The following FAM187B variants were observed in gnomAD, a reference collection of about 807,000 sequenced individuals.
FAM187B encodes the protein protein FAM187B.
FAM187B carries 22 observed loss-of-function variants against 22.6 expected under a neutral mutation model. The observed-to-expected ratio is 0.97, with a 90% CI of 0.70 to 1.39. The LOEUF (loss-of-function observed/expected upper bound fraction) is 1.39, where lower values mean the gene tolerates loss of function less well. FAM187B is among the 40% of genes most tolerant of loss of function. The pLI, the probability that FAM187B is intolerant of heterozygous loss-of-function variation, is 0.00. For synonymous variants in FAM187B, 192 were observed against 201.8 expected, an observed-to-expected ratio of 0.95 and a Z score of 0.41; for missense variants, 433 against 462.1, an observed-to-expected ratio of 0.94 and a Z score of 0.58.
chr19:35,228,191 C>T lies in FAM187B; in HGVS notation c.490G>A (p.Gly164Arg). ...AGAGGCTCCTCAATGTAGCGGTACC[C>T]CAGGCGTTTACACTCGCCCGGCTCC... Reference protein sequence around the residue: ...CEEPGECKRLGYRYIEEPLEE... With the variant: ...CEEPGECKRLRYRYIEEPLEE... Residue 164 changes from glycine (G) to arginine (R), a missense_variant, in exon 1 of 2, where the codon GGG (glycine) becomes AGG (arginine). Gly to Arg is a moderately radical substitution (Grantham distance 125, BLOSUM62 -2). Coordinates refer to ENST00000324675, the MANE Select transcript of FAM187B (RefSeq NM_152481.2). 2 of 1,614,162 alleles carry T rather than the reference C, an allele frequency of 1.2e-6. No homozygotes were observed. Among genetic ancestry groups the T allele is most frequent in the East Asian group, 2.2e-5 (1 of 44,880 alleles).
chr19:35,225,345 C>T (rs1364274194), intron 1 of FAM187B, 133 bp from the exon 2 acceptor site: 6 of 1,161,722 alleles, frequency 5.2e-6, no homozygotes, highest in Non-Finnish European at 6.9e-6. Flanking sequence ...CAGCCGTCAA[C>T]AGTGGGGTGG....
At position 35,228,321 on chromosome 19, in the gene FAM187B, G is replaced by GTGTCCT; in HGVS notation, c.359_360insAGGACA (p.Thr119_His120insGlnGly). Reference sequence around the variant, plus strand: ...GCAGGGGCCTCTGACCCAGGTCCTTGTGTGTTATATGCAGGGTGGTGACAT... The same window carrying GTGTCCT: ...GCAGGGGCCTCTGACCCAGGTCCTTGTGTCCTTGTGTTATATGCAGGGTGGTGACAT... On this transcript the variant is annotated inframe_insertion, in exon 1 of 2. Transcript: ENST00000324675. The GTGTCCT allele has an allele frequency of 6.2e-7, 1 of 1,614,134 alleles. No homozygotes were observed. Among genetic ancestry groups the GTGTCCT allele is most frequent in the Non-Finnish European group, 8.5e-7 (1 of 1,180,044 alleles).
In FAM187B at chr19:35,228,077, G is replaced by C. The variant is rs779215933; in HGVS notation, c.604C>G (p.His202Asp). 3.7e-6 allele frequency: 6 copies of C among 1,614,102 alleles called. No homozygotes were observed. The highest frequency in any genetic ancestry group is 5.1e-6 in the Non-Finnish European group (6 of 1,180,048). ...TGTGTGTTATTGGTGCACTGGACGT[G>C]GCAGGCTTCCACCTGCAGCTCAGGC... ...LRPELQVEAC[H>D]VQCTNNTQLR... The change falls in exon 1 of 2, where the codon CAC (histidine) becomes GAC (aspartate). Residue 202 changes from histidine to aspartate, a missense_variant. By Grantham distance (81) the His-to-Asp change is moderately conservative. Transcript: ENST00000324675.
At position 35,225,103 on chromosome 19, in the gene FAM187B, C is replaced by T. The variant is rs2065657593; in HGVS notation, c.832G>A (p.Val278Ile). The change falls in exon 2 of 2, where the codon GTT (valine) becomes ATT (isoleucine). Residue 278 changes from valine (V) to isoleucine (I), a missense_variant. Transcript: ENST00000324675. Reference protein sequence around the residue: ...DPSTGGRQLQVFQPAVYKCFV... With the variant: ...DPSTGGRQLQIFQPAVYKCFV... ...CACTTGTAGACGGCCGGCTGGAAAA[C>T]CTGCAGCTGCCTGCCGCCGGTGGAG... 1.9e-6 allele frequency: 3 copies of T among 1,608,014 alleles called. No individual in the cohort carries two copies. The African/African-American group carries it at 4.0e-5, about 21-fold the overall frequency.
intron 1 of FAM187B, among the ~76,000 whole-genome samples, chr19:35,226,475 CAATAATAATAAT>C (rs1315046696): frequency 6.6e-6 from 1 of 151,992 alleles, no homozygotes; most frequent in African/African-American, 2.4e-5. Context: ...ATAATAATAA[CAATAATAATAAT>C]AAAACTATAT....
At chr19:35,227,200 TG>T (rs2145467944) in intron 1 of FAM187B, among the ~76,000 whole-genome samples, 2 of 152,054 alleles carry the variant, frequency 1.3e-5, no homozygotes, top group South Asian at 4.2e-4. Flanking sequence ...GGTGAGACAA[TG>T]GATTTCTGGG....
chr19:35,224,822 G>T lies in FAM187B; in HGVS notation c.*3C>A. On this transcript the variant is annotated 3_prime_UTR_variant, in exon 2 of 2. Transcript: ENST00000324675. ...GGGTCCGCTTGTGCACCGGGGGCTCGCTTTATTTCACCACCAGCACCTGTG... is the reference window on the plus strand; with the variant it reads ...GGGTCCGCTTGTGCACCGGGGGCTCTCTTTATTTCACCACCAGCACCTGTG... 6.2e-7 allele frequency: 1 copy of T among 1,600,668 alleles called. No individual in the cohort carries two copies. Among genetic ancestry groups the T allele is most frequent in the Non-Finnish European group, 8.5e-7 (1 of 1,172,122 alleles).
rs960026326 is a variant in FAM187B, at chr19:35,228,498, G to T, written c.183C>A (p.Gly61=). The T allele has an allele frequency of 3.7e-6, 6 of 1,614,224 alleles. No individual in the cohort carries two copies. The highest frequency in any genetic ancestry group is 4.2e-6 in the Non-Finnish European group (5 of 1,180,046). The part of the protein sequence containing the change: ...WYYLFTQGKK[G]RLTSLTNISN... ...AAATATTGGTGAGGCTGGTGAGCCT[G>T]CCCTTCTTGCCTTGTGTGAATAAAT... Residue 61 remains glycine (G), a synonymous_variant, in exon 1 of 2, where the codon GGC becomes GGA. Transcript: ENST00000324675.
At chr19:35,227,806 C>T (rs965825457) in intron 1 of FAM187B, among the ~76,000 whole-genome samples, 153 bp downstream of exon 1, 6 of 152,212 alleles carry the variant, frequency 3.9e-5, no homozygotes, top group South Asian at 2.1e-4. Context: ...GTGTCCCCCT[C>T]GGACTGTTTA....
At chr19:35,225,316 C>T (rs924914629) in intron 1 of FAM187B, 104 bp from the exon 2 acceptor site, 2 of 1,337,946 alleles carry the variant, frequency 1.5e-6, no homozygotes, top group South Asian at 1.6e-5. Context: ...CTCCTCGCCA[C>T]CCCCCACGGA....
Position 35,225,785 on chromosome 19 carries a change from T to C in FAM187B, c.723-573A>G, listed in dbSNP as rs1374792100. Among the ~76,000 whole-genome samples the C allele has an allele frequency of 2.6e-5, 4 of 151,720 alleles. No homozygotes were observed. In the East Asian group the frequency reaches 7.8e-4, roughly 30 times the overall value. ...CCAGTCACAGCACTGCACTCCAGCCTGGGTGACAGAGCAAGACCCTGTCCC... is the reference window on the plus strand; with the variant it reads ...CCAGTCACAGCACTGCACTCCAGCCCGGGTGACAGAGCAAGACCCTGTCCC... On this transcript the variant is annotated intron_variant, in intron 1 of 1. Coordinates refer to ENST00000324675, the MANE Select transcript of FAM187B (RefSeq NM_152481.2).
Position 35,224,979 on chromosome 19 carries a change from G to A in FAM187B, c.956C>T (p.Ala319Val). The A allele has an allele frequency of 6.2e-7, 1 of 1,613,784 alleles. No homozygotes were observed. Among genetic ancestry groups the A allele is most frequent in the Non-Finnish European group, 8.5e-7 (1 of 1,179,974 alleles). ...CGCCCTGCCCCGCAGGGCCTTCCTT[G>A]CCTCCCGCCACTGGGCATCGTTCTC... ...WRENDAQWREARKALRGRADS... is the reference protein window; with the variant it reads ...WRENDAQWREVRKALRGRADS... Residue 319 changes from alanine to valine, a missense_variant, in exon 2 of 2, where the codon GCA becomes GTA. By Grantham distance (64) the Ala-to-Val change is moderately conservative. Transcript: ENST00000324675.
At chr19:35,226,559 C>T (rs556602173) in intron 1 of FAM187B, among the ~76,000 whole-genome samples, 16 of 152,338 alleles carry the variant, frequency 1.1e-4, no homozygotes, top group East Asian at 7.7e-4. Context: ...TCCCAGGTCC[C>T]TAGAATGGAG....
Position 35,228,082 on chromosome 19 carries a change from G to C in FAM187B, c.599C>G (p.Ala200Gly), listed in dbSNP as rs753118508. ...SRLRPELQVEACHVQCTNNTQ... is the reference protein window; with the variant it reads ...SRLRPELQVEGCHVQCTNNTQ... The stretch of plus-strand genomic sequence containing the variant: ...GTTATTGGTGCACTGGACGTGGCAG[G>C]CTTCCACCTGCAGCTCAGGCCGCAA... Residue 200 changes from alanine to glycine, a missense_variant, in exon 1 of 2, where the codon GCC (alanine) becomes GGC (glycine). Transcript: ENST00000324675. 6.2e-7 allele frequency: 1 copy of C among 1,614,126 alleles called. No individual in the cohort carries two copies. The highest frequency in any genetic ancestry group is 1.3e-5 in the African/African-American group (1 of 74,958).
chr19:35,227,081 T>G (rs1445151171), intron 1 of FAM187B, among the ~76,000 whole-genome samples: 1 of 152,154 alleles, frequency 6.6e-6, no homozygotes, highest in Non-Finnish European at 1.5e-5. Flanking sequence ...GATCTCTGAC[T>G]GCATCCAGAA....
chr19:35,227,895 T>C, intron 1 of FAM187B, 64 bp downstream of exon 1: 2 of 1,553,172 alleles, frequency 1.3e-6, no homozygotes, highest in South Asian at 2.5e-5. Context: ...TCTGCACATA[T>C]TACCAGGAAG....
In FAM187B at chr19:35,228,594, C is replaced by T; in HGVS notation, c.87G>A (p.Gln29=). The change falls in exon 1 of 2, where the codon CAG becomes CAA. Residue 29 remains glutamine (Q), a synonymous_variant. Transcript: ENST00000324675. ...YFSISCPSGK[Q]CQQALLSGND... is the part of the protein sequence containing the mutation. ...TGCCTGAGAGTAGGGCCTGTTGGCA[C>T]TGCTTACCACTGGGGCAGCTGATGG... 1 of 1,614,120 alleles carries T rather than the reference C, an allele frequency of 6.2e-7. No individual in the cohort carries two copies. Among genetic ancestry groups the T allele is most frequent in the Non-Finnish European group, 8.5e-7 (1 of 1,180,038 alleles).
Position 35,228,082 on chromosome 19 carries a change from G to A in FAM187B, c.599C>T (p.Ala200Val), listed in dbSNP as rs753118508. 2 of 1,614,244 alleles carry A rather than the reference G, an allele frequency of 1.2e-6. No individual in the cohort carries two copies. The highest frequency in any genetic ancestry group is 1.7e-6 in the Non-Finnish European group (2 of 1,180,048). Residue 200 changes from alanine to valine, a missense_variant, in exon 1 of 2, where the codon GCC becomes GTC. By Grantham distance (64) the Ala-to-Val change is moderately conservative. Transcript: ENST00000324675. Reference protein sequence around the residue: ...SRLRPELQVEACHVQCTNNTQ... With the variant: ...SRLRPELQVEVCHVQCTNNTQ... ...GTTATTGGTGCACTGGACGTGGCAGGCTTCCACCTGCAGCTCAGGCCGCAA... is the reference window on the plus strand; with the variant it reads ...GTTATTGGTGCACTGGACGTGGCAGACTTCCACCTGCAGCTCAGGCCGCAA...
intron 1 of FAM187B, among the ~76,000 whole-genome samples, chr19:35,227,189 G>A (rs1468033921): frequency 1.3e-5 from 2 of 152,114 alleles, no homozygotes; most frequent in Admixed American, 6.6e-5. Context: ...GCCTCCAGAA[G>A]GGTGAGACAA....
Sources: gnomAD v4.1 joint callset for allele counts (sites outside exome capture counted in the v4.1 genomes callset) on GRCh38, gnomAD v4.1.1 for gene constraint, MANE v1.5 for transcripts, NCBI Gene and HGNC (gene_info 2026-07-23, HGNC 2026-07-21) for gene names.